The following CACNA1C variants were observed in gnomAD, a reference collection of about 807,000 sequenced individuals.
CACNA1C encodes calcium voltage-gated channel subunit alpha1 C, also known as voltage-dependent L-type calcium channel subunit alpha-1C.
CACNA1C carries 30 observed loss-of-function variants against 229.0 expected under a neutral mutation model. The ratio of observed to expected loss-of-function variants is 0.13; its 90% CI spans 0.10 to 0.18. The LOEUF (loss-of-function observed/expected upper bound fraction) is 0.18. Ranked by LOEUF, CACNA1C falls within the 10% of genes least tolerant of loss-of-function variation. The probability of loss-of-function intolerance (pLI) is 1.00; values close to 1 mark genes in which losing one functional copy is unlikely to be tolerated. For synonymous variants in CACNA1C, 1,114 were observed against 1,132.5 expected (o/e 0.98, Z 0.33); for missense variants, 1,658 against 2,845.0 (o/e 0.58, Z 9.49).
intron 7 of CACNA1C, among the ~76,000 whole-genome samples, chr12:2,496,946 G>A (rs2099748003): frequency 6.6e-6 from 1 of 152,222 alleles, no homozygotes. Context: ...TGTGGGGAGT[G>A]TGATCAGATA....
intron 1 of CACNA1C, among the ~76,000 whole-genome samples, chr12:2,065,345 G>C (rs2058939187): frequency 6.6e-6 from 1 of 152,230 alleles, no homozygotes; most frequent in Non-Finnish European, 1.5e-5. Context: ...AGGATAAATT[G>C]ACTGTGAAAT....
intron 30 of CACNA1C, among the ~76,000 whole-genome samples, chr12:2,644,018 G>A (rs959397698): frequency 2.6e-5 from 4 of 152,178 alleles, no homozygotes; most frequent in Non-Finnish European, 5.9e-5. Context: ...AGACCTTCAG[G>A]TGGCTTGGAA....
chr12:2,665,800 G>GAA lies in CACNA1C; in HGVS notation c.4526+92_4526+93insAA, dbSNP rs953525188. On this transcript the variant is annotated intron_variant, in intron 36 of 46. Transcript: ENST00000399655. The surrounding 1 kb of genome is among the most constrained non-coding windows in gnomAD (Gnocchi z 5.9). ...GAGGGGCTCAAGGTTGGCCAACACT[G>GAA]GGTGGATCAATTAGAAACACTGGAT... 1.6e-5 allele frequency: 21 copies of GAA among 1,283,922 alleles called. No homozygotes were observed. The African/African-American group carries it at 3.0e-4, about 18-fold the overall frequency. The allele number at this position is 1,283,922 out of a possible 1,614,324, so 79.5% of individuals were successfully genotyped here.
intron 5 of CACNA1C, among the ~76,000 whole-genome samples, chr12:2,478,039 T>A (rs1860093): frequency 0.65 from 98,756 of 151,658 alleles, 33,001 homozygotes; most frequent in East Asian, 0.88. Context: ...TAGGAAGGAG[T>A]GAAGTGCATG....
chr12:2,685,060 C>G (rs2153831446), intron 43 of CACNA1C, among the ~76,000 whole-genome samples: 1 of 152,338 alleles, frequency 6.6e-6, no homozygotes, highest in East Asian at 1.9e-4. Flanking sequence ...CTAAAGTGGA[C>G]TGGGACTCAC....
At chr12:2,450,419 T>G (rs1275610511) in intron 4 of CACNA1C, among the ~76,000 whole-genome samples, 8 of 151,146 alleles carry the variant, frequency 5.3e-5, no homozygotes, top group Admixed American at 4.6e-4. Flanking sequence ...CCGGGCGAGG[T>G]GGCGGGCGCC....
In CACNA1C at chr12:2,691,358, C is replaced by T. The variant is rs1410396375; in HGVS notation, c.*159C>T. On this transcript the variant is annotated 3_prime_UTR_variant, in exon 47 of 47. Coordinates refer to ENST00000399655, the MANE Select transcript of CACNA1C (RefSeq NM_000719.7). The stretch of plus-strand genomic sequence containing the variant: ...ACGCGGAGCCTGGGTGCGCGAGCCG[C>T]CCTCCGGGAGGAAGGCGCCCGGCTG... 3.7e-6 allele frequency: 3 copies of T among 800,580 alleles called. No homozygotes were observed. The highest frequency in any genetic ancestry group is 1.8e-5 in the African/African-American group (1 of 55,876). 49.6% of individuals were successfully genotyped at this position (800,580 alleles called of 1,614,324 possible). A position where few individuals can be genotyped will look rare whatever the true frequency, so the allele number is the denominator to read the frequency against.
At chr12:2,310,700 C>G (rs140336507) in intron 3 of CACNA1C, among the ~76,000 whole-genome samples, 1 of 152,162 alleles carries the variant, frequency 6.6e-6, no homozygotes, top group Non-Finnish European at 1.5e-5. Context: ...CAAGGGCTTT[C>G]GACTCACAGG....
At position 2,566,624 on chromosome 12, in the gene CACNA1C, ACT is replaced by A. The variant is rs2051039737; in HGVS notation, c.1669+44_1669+45del. On this transcript the variant is annotated intron_variant, in intron 12 of 46. Transcript: ENST00000399655. The surrounding 1 kb of genome is among the most constrained non-coding windows in gnomAD (Gnocchi z 4.0). ...GCTCTGCTCTGGTTTCCTCCTGGTA[ACT>A]CAGCCCCAAGGCCCAGGGGAGGGCA... The A allele has an allele frequency of 6.5e-7, 1 of 1,539,332 alleles. No homozygotes were observed. Among genetic ancestry groups the A allele is most frequent in the Non-Finnish European group, 8.8e-7 (1 of 1,136,298 alleles).
intron 3 of CACNA1C, among the ~76,000 whole-genome samples, chr12:2,177,546 C>CCT: frequency 7.0e-6 from 1 of 143,284 alleles, no homozygotes; most frequent in African/African-American, 2.6e-5. Flanking sequence ...CTTCCCTTTC[C>CCT]TTCCTTCCCT....
chr12:2,670,511 G>A (rs2096501682), intron 38 of CACNA1C, among the ~76,000 whole-genome samples: 1 of 152,090 alleles, frequency 6.6e-6, no homozygotes, highest in African/African-American at 2.4e-5. Context: ...CAAATGAAGT[G>A]AAACAAGAAC....
Position 2,494,417 on chromosome 12 carries a change from A to G in CACNA1C, c.1113+1031A>G, listed in dbSNP as rs115299756. 4.8e-3 allele frequency among the ~76,000 whole-genome samples: 737 copies of G among 152,364 alleles called. 6 individuals carry two copies. Among genetic ancestry groups the G allele is most frequent in the African/African-American group, 0.017 (701 of 41,594 alleles). ...ACTTCAGCCTGAGAAATGACTTGCC[A>G]GAATCCAGTGTTGTTCTCCAGAATT... On this transcript the variant is annotated intron_variant, in intron 7 of 46. Transcript: ENST00000399655.
At chr12:2,350,576 G>T (rs2097175870) in intron 3 of CACNA1C, among the ~76,000 whole-genome samples, 2 of 152,214 alleles carry the variant, frequency 1.3e-5, no homozygotes, top group Non-Finnish European at 2.9e-5. Context: ...AACAGAAGAG[G>T]AAGTGTGCTG....
intron 4 of CACNA1C, among the ~76,000 whole-genome samples, chr12:2,452,633 A>T (rs962133466): frequency 6.6e-6 from 1 of 152,190 alleles, no homozygotes; most frequent in African/African-American, 2.4e-5. Flanking sequence ...CTCATTGAGG[A>T]GAAATACACC....
chr12:2,245,894 C>G (rs753910290), intron 3 of CACNA1C, among the ~76,000 whole-genome samples: 1 of 152,216 alleles, frequency 6.6e-6, no homozygotes, highest in Non-Finnish European at 1.5e-5. Flanking sequence ...CTGACACATT[C>G]TGAATTCTGA....
chr12:2,677,896 C>CCCTATAAAGTTCAGTTTGGAGCAAGA lies in CACNA1C; in HGVS notation c.5091+30_5091+55dup. The CCCTATAAAGTTCAGTTTGGAGCAAGA allele has an allele frequency of 6.2e-7, 1 of 1,612,180 alleles. No individual in the cohort carries two copies. The highest frequency in any genetic ancestry group is 2.2e-5 in the East Asian group (1 of 44,812). On this transcript the variant is annotated intron_variant, in intron 41 of 46. Coordinates refer to ENST00000399655, the MANE Select transcript of CACNA1C (RefSeq NM_000719.7). This position sits in a 1 kb window ranked among gnomAD's most constrained non-coding sequence, Gnocchi z 7.4. ...GGTGGTGCCATGGCGCACTCTCGAC[C>CCCTATAAAGTTCAGTTTGGAGCAAGA]CCTATAAAGTTCAGTTTGGAGCAAG...
intron 3 of CACNA1C, among the ~76,000 whole-genome samples, chr12:2,412,009 C>G (rs2154553695): frequency 6.6e-6 from 1 of 152,290 alleles, no homozygotes; most frequent in East Asian, 1.9e-4. Flanking sequence ...GAGCTGTCTT[C>G]TTGCTCGAGC....
chr12:2,262,890 A>G (rs2080875800), intron 3 of CACNA1C, among the ~76,000 whole-genome samples: 1 of 152,218 alleles, frequency 6.6e-6, no homozygotes, highest in African/African-American at 2.4e-5. Flanking sequence ...TTGTAGGTGC[A>G]TCACTAGTTA....
At position 2,392,230 on chromosome 12, in the gene CACNA1C, C is replaced by T. The variant is rs539609773; in HGVS notation, c.478-56746C>T. On this transcript the variant is annotated intron_variant, in intron 3 of 46. Coordinates refer to ENST00000399655, the MANE Select transcript of CACNA1C (RefSeq NM_000719.7). Reference sequence around the variant, plus strand: ...TAAACATAAGAGAGAGAAATGTAAACGTGAGAATTATTTCTACTGAGCCAT... The same window carrying T: ...TAAACATAAGAGAGAGAAATGTAAATGTGAGAATTATTTCTACTGAGCCAT... Among the ~76,000 whole-genome samples the T allele has an allele frequency of 3.3e-5, 5 of 152,330 alleles. No individual in the cohort carries two copies. In the South Asian group the frequency reaches 6.2e-4, roughly 19 times the overall value.
Sources: allele counts gnomAD v4.1 joint callset (sites outside exome capture counted in the v4.1 genomes callset), GRCh38; gene constraint gnomAD v4.1.1; non-coding constraint Gnocchi (gnomAD v3.1); transcripts MANE v1.5; gene names NCBI Gene and HGNC (gene_info 2026-07-23, HGNC 2026-07-21).